UBA6: variants seen among roughly 807,000 people sequenced by gnomAD.
The protein encoded by UBA6 is ubiquitin-like modifier-activating enzyme 6.
A neutral mutation model predicts 148.3 loss-of-function variants in UBA6; 87 were observed. The ratio of observed to expected loss-of-function variants is 0.59; its 90% confidence interval spans 0.49 to 0.70. The LOEUF (loss-of-function observed/expected upper bound fraction) is 0.70. Ranked by LOEUF, UBA6 falls within the 30% of genes least tolerant of loss-of-function variation. UBA6 has a pLI of 0.00. For synonymous variants in UBA6, 376 were observed against 401.0 expected, an observed-to-expected ratio of 0.94 and a Z score of 0.75; for missense variants, 1,186 against 1,241.2, an observed-to-expected ratio of 0.96 and a Z score of 0.67.
intron 13 of UBA6, among the ~76,000 whole-genome samples, chr4:67,657,361 G>T (rs1199180762): frequency 6.6e-6 from 1 of 151,998 alleles, no homozygotes; most frequent in African/African-American, 2.4e-5. Flanking sequence ...CAGAACAGAG[G>T]CCTCAGAAAT....
chr4:67,659,524 G>A (rs1729786695), intron 13 of UBA6, among the ~76,000 whole-genome samples: 1 of 101,040 alleles, frequency 9.9e-6, no homozygotes, highest in Admixed American at 9.9e-5. Context: ...CTTCTGCCAT[G>A]ATGGTATAGT....
intron 18 of UBA6, among the ~76,000 whole-genome samples, chr4:67,639,325 A>G (rs1729248134): frequency 1.3e-5 from 2 of 152,218 alleles, no homozygotes; most frequent in African/African-American, 4.8e-5. Context: ...AATGCACATT[A>G]GTCCAAATAA....
chr4:67,637,223 T>TG (rs1200735216), intron 19 of UBA6, among the ~76,000 whole-genome samples: 1 of 138,454 alleles, frequency 7.2e-6, no homozygotes, highest in East Asian at 2.2e-4. Flanking sequence ...GGGAGGGAGG[T>TG]GGGGGGCAGC....
intron 2 of UBA6, among the ~76,000 whole-genome samples, chr4:67,694,810 A>G (rs556315810): frequency 1.2e-3 from 180 of 152,304 alleles, no homozygotes; most frequent in African/African-American, 4.3e-3. Flanking sequence ...TGCCCTCACT[A>G]TGACAAATTC....
At chr4:67,659,142 T>A (rs776657620) in intron 13 of UBA6, among the ~76,000 whole-genome samples, 3 of 152,244 alleles carry the variant, frequency 2.0e-5, no homozygotes, top group African/African-American at 4.8e-5. Context: ...CAAAGCACTA[T>A]ATATGCAATA....
In UBA6 at chr4:67,696,751, G is replaced by A. The variant is rs775903514; in HGVS notation, c.72-44C>T. 1.1e-5 allele frequency: 16 copies of A among 1,477,638 alleles called. No individual in the cohort carries two copies. In the Admixed American group the frequency reaches 2.4e-4, roughly 22 times the overall value. 91.5% of individuals were successfully genotyped at this position (1,477,638 alleles called of 1,614,324 possible). On this transcript the variant is annotated intron_variant, in intron 1 of 32. Transcript: ENST00000322244. ...TTATTAAATATTCACATTTTATAAT[G>A]TAATATTTGATTACTTGTGTGATCA...
chr4:67,673,661 G>T, intron 7 of UBA6, 36 bp downstream of exon 7: 2 of 1,438,992 alleles, frequency 1.4e-6, no homozygotes, highest in Non-Finnish European at 1.9e-6. Flanking sequence ...GTTCTTCCTT[G>T]GTTAACTACA....
intron 9 of UBA6, 103 bp downstream of exon 9, chr4:67,668,448 G>T: frequency 1.8e-6 from 2 of 1,102,716 alleles, no homozygotes; most frequent in Non-Finnish European, 2.6e-6. Flanking sequence ...CAAGGGCTTT[G>T]GATCATGTCT....
chr4:67,661,166 T>C (rs531870089), intron 13 of UBA6, among the ~76,000 whole-genome samples: 1 of 152,152 alleles, frequency 6.6e-6, no homozygotes, highest in East Asian at 1.9e-4. Flanking sequence ...ACTTCTGGAT[T>C]AATGCTGGAA....
chr4:67,624,052 T>C, intron 30 of UBA6, 74 bp downstream of exon 30: 1 of 1,296,930 alleles, frequency 7.7e-7, no homozygotes, highest in Non-Finnish European at 1.0e-6. Context: ...GTGAAGCTAG[T>C]ATTTTTCCCT....
Position 67,625,152 on chromosome 4 carries a change from CT to C in UBA6, c.2553del (p.Asp852MetfsTer8). On this transcript the variant is annotated frameshift_variant, in exon 29 of 33. Coordinates refer to ENST00000322244, the MANE Select transcript of UBA6 (RefSeq NM_018227.6). LOFTEE classifies it high-confidence loss of function. ...TCTATGTGTCCATTATGATCATCAT[CT>C]TTTTCAAATGAAAGCACTGCCATCT... ...DLQMAVLSFEKDDDHNGHIDF... is the reference protein window; with the variant it reads ...DLQMAVLSFEXDDDHNGHIDF... The C allele has an allele frequency of 6.2e-7, 1 of 1,611,474 alleles. No homozygotes were observed. Among genetic ancestry groups the C allele is most frequent in the Non-Finnish European group, 8.5e-7 (1 of 1,178,552 alleles).
chr4:67,690,161 C>T (rs1730661939), intron 2 of UBA6, among the ~76,000 whole-genome samples: 1 of 151,958 alleles, frequency 6.6e-6, no homozygotes. Flanking sequence ...CCTATCTTAT[C>T]TTTGATAAAA....
chr4:67,619,082 G>GT lies in UBA6; in HGVS notation c.3073dup (p.Thr1025AsnfsTer9). ...ATCAATGTCTGGAGCAAATGACACA[G>GT]TAAGATCCACATATTTCTTTTCAGT... On this transcript the variant is annotated frameshift_variant, in exon 33 of 33. Coordinates refer to ENST00000322244, the MANE Select transcript of UBA6 (RefSeq NM_018227.6). LOFTEE classifies it high-confidence loss of function. 1 of 1,611,944 alleles carries GT rather than the reference G, an allele frequency of 6.2e-7. No homozygotes were observed. The highest frequency in any genetic ancestry group is 1.1e-5 in the South Asian group (1 of 91,006).
intron 23 of UBA6, among the ~76,000 whole-genome samples, chr4:67,632,756 G>T (rs975022622): frequency 1.3e-5 from 2 of 152,084 alleles, no homozygotes; most frequent in African/African-American, 4.8e-5. Context: ...GCTACTTAAG[G>T]GCTGAGGCAG....
chr4:67,663,635 A>C (rs1438933193), intron 11 of UBA6: 1 of 481,932 alleles, frequency 2.1e-6, no homozygotes, highest in Non-Finnish European at 3.7e-6. Context: ...TATAATTATC[A>C]AAGTTGGCAA....
At chr4:67,637,278 GC>G (rs1337909481) in intron 19 of UBA6, among the ~76,000 whole-genome samples, 1 of 151,076 alleles carries the variant, frequency 6.6e-6, no homozygotes, top group Non-Finnish European at 1.5e-5. Context: ...GTGGAGGGCA[GC>G]CCCTGCCCGG....
intron 4 of UBA6, among the ~76,000 whole-genome samples, chr4:67,680,868 G>A (rs1381523130): frequency 6.6e-6 from 1 of 152,178 alleles, no homozygotes; most frequent in African/African-American, 2.4e-5. Flanking sequence ...AATTGAGGGT[G>A]ACCTTTGGTC....
At position 67,615,426 on chromosome 4, in the gene UBA6, A is replaced by G. The variant is rs1420340182; in HGVS notation, c.*3571T>C. ...AACCTTTTTTCTTTATGAATTACCG[A>G]GTCTTGGATATTCCTTTATAGCAAC... is the stretch of plus-strand genomic sequence containing the variant. On this transcript the variant is annotated 3_prime_UTR_variant, in exon 33 of 33. Coordinates refer to ENST00000322244, the MANE Select transcript of UBA6 (RefSeq NM_018227.6). 1 of 152,196 alleles carries G rather than the reference A, an allele frequency of 6.6e-6. No individual in the cohort carries two copies. 9.4% of individuals were successfully genotyped at this position (152,196 alleles called of 1,614,324 possible). A position where few individuals can be genotyped will look rare whatever the true frequency, so the allele number is the denominator to read the frequency against.
chr4:67,676,729 T>C (rs1730289666), intron 6 of UBA6, among the ~76,000 whole-genome samples: 1 of 152,214 alleles, frequency 6.6e-6, no homozygotes, highest in Non-Finnish European at 1.5e-5. Context: ...AACTGTTCAT[T>C]TGTGGCCTCT....
Sources: allele counts gnomAD v4.1 joint callset (sites outside exome capture counted in the v4.1 genomes callset), GRCh38; gene constraint gnomAD v4.1.1; transcripts MANE v1.5; gene names NCBI Gene and HGNC (gene_info 2026-07-23, HGNC 2026-07-21).